The following DNAH14 variants were observed in gnomAD, a reference collection of about 807,000 sequenced individuals.
DNAH14 encodes axonemal beta dynein heavy chain 14.
A neutral mutation model predicts 520.9 loss-of-function variants in DNAH14; 478 were observed. The observed-to-expected ratio is 0.92, with a 90% CI of 0.85 to 0.99. The LOEUF (loss-of-function observed/expected upper bound fraction) is 0.99, where lower values mean the gene tolerates loss of function less well. Among genes scored for constraint, DNAH14 ranks in the 50% least tolerant of loss-of-function variants. The pLI, the probability that DNAH14 is intolerant of heterozygous loss-of-function variation, is 0.00. For missense variants in DNAH14, 4,831 were observed against 5,234.5 expected, an observed-to-expected ratio of 0.92 and a Z score of 2.38; for synonymous variants, 1,581 against 1,757.2, an observed-to-expected ratio of 0.90 and a Z score of 2.51.
intron 35 of DNAH14, among the ~76,000 whole-genome samples, chr1:225,167,625 A>G (rs1489190835): frequency 2.0e-5 from 3 of 152,194 alleles, no homozygotes; most frequent in Non-Finnish European, 4.4e-5. Flanking sequence ...GGATAATTAG[A>G]TGGTTATACA....
intron 23 of DNAH14, among the ~76,000 whole-genome samples, chr1:225,112,867 A>G (rs1436502479): frequency 2.0e-5 from 3 of 152,024 alleles, no homozygotes; most frequent in Non-Finnish European, 4.4e-5. Context: ...ATTTTTCTGA[A>G]AGGATTCTGA....
chr1:225,329,945 A>G (rs1239355980), intron 64 of DNAH14, among the ~76,000 whole-genome samples: 1 of 152,194 alleles, frequency 6.6e-6, no homozygotes, highest in Admixed American at 6.6e-5. Flanking sequence ...GAGCTCAAAC[A>G]TCTCTATAGA....
At chr1:225,264,163 A>G in intron 46 of DNAH14, 34 bp from the exon 47 acceptor site, 11 of 1,516,078 alleles carry the variant, frequency 7.3e-6, no homozygotes, top group Non-Finnish European at 9.8e-6. Flanking sequence ...TGGTAAACAA[A>G]CTAATTTTGA....
At chr1:225,052,142 T>A (rs527739340) in intron 17 of DNAH14, among the ~76,000 whole-genome samples, 1 of 152,336 alleles carries the variant, frequency 6.6e-6, no homozygotes, top group African/African-American at 2.4e-5. Context: ...TCCATTAGAA[T>A]GTAAGCTTCA....
chr1:225,267,897 G>A (rs2093177151), intron 49 of DNAH14, among the ~76,000 whole-genome samples: 1 of 151,762 alleles, frequency 6.6e-6, no homozygotes, highest in South Asian at 2.1e-4. Flanking sequence ...GGCCCACCAG[G>A]GATAATCCAG....
At chr1:225,171,689 G>A (rs960071100) in intron 36 of DNAH14, among the ~76,000 whole-genome samples, 34 of 152,252 alleles carry the variant, frequency 2.2e-4, no homozygotes, top group African/African-American at 3.6e-4. Flanking sequence ...TCTGTCAGAG[G>A]TACAAGGAGG....
At position 225,157,714 on chromosome 1, in the gene DNAH14, G is replaced by C. The variant is rs559333003; in HGVS notation, c.5274-1600G>C. 3.4e-3 allele frequency among the ~76,000 whole-genome samples: 523 copies of C among 152,016 alleles called. 2 individuals are homozygous for C. Among genetic ancestry groups the C allele is most frequent in the Non-Finnish European group, 6.3e-3 (427 of 67,980 alleles). ...TTGAAAAAAATATTAAAAGGCCATT[G>C]TCATTCCCTAGGACCCCAAAAATAA... is the stretch of plus-strand genomic sequence containing the variant. On this transcript the variant is annotated intron_variant, in intron 34 of 85. Coordinates refer to ENST00000682510, the MANE Select transcript of DNAH14 (RefSeq NM_001367479.1).
intron 23 of DNAH14, among the ~76,000 whole-genome samples, chr1:225,103,791 C>T (rs985195403): frequency 2.6e-5 from 4 of 152,206 alleles, no homozygotes; most frequent in Middle Eastern, 3.4e-3. Context: ...AGATTTTGGG[C>T]TGAGACGATG....
chr1:224,943,460 G>A (rs1020665427), intron 1 of DNAH14, among the ~76,000 whole-genome samples: 1 of 152,022 alleles, frequency 6.6e-6, no homozygotes, highest in East Asian at 1.9e-4. Flanking sequence ...TGGATTTATT[G>A]ATTTTTTGAA....
At chr1:225,295,516 C>T (rs192507328) in intron 55 of DNAH14, among the ~76,000 whole-genome samples, 2 of 152,172 alleles carry the variant, frequency 1.3e-5, no homozygotes, top group Non-Finnish European at 2.9e-5. Flanking sequence ...ATTTGTTGTT[C>T]AGGAGCATAC....
At chr1:225,345,836 C>T (rs570983114) in intron 69 of DNAH14, 126 bp from the exon 70 acceptor site, 14 of 682,870 alleles carry the variant, frequency 2.1e-5, no homozygotes, top group Admixed American at 1.0e-4. Context: ...TTTAAGAGCC[C>T]GTCTCTGACA....
At chr1:225,106,206 G>A (rs1201505454) in intron 23 of DNAH14, among the ~76,000 whole-genome samples, 2 of 151,250 alleles carry the variant, frequency 1.3e-5, no homozygotes, top group South Asian at 2.1e-4. Flanking sequence ...GTTGAATATT[G>A]GCCCCCACTC....
chr1:224,978,226 C>G (rs528872748), intron 8 of DNAH14, among the ~76,000 whole-genome samples: 1 of 152,278 alleles, frequency 6.6e-6, no homozygotes, highest in East Asian at 1.9e-4. Context: ...TTTACTGCAG[C>G]ACTGTTCACA....
At chr1:224,999,299 C>T (rs147482041) in intron 8 of DNAH14, among the ~76,000 whole-genome samples, 20 of 152,090 alleles carry the variant, frequency 1.3e-4, no homozygotes, top group South Asian at 4.2e-4. Context: ...TTCCGCCTCC[C>T]GGGTTCAAGC....
chr1:225,028,593 T>C (rs936219076), intron 11 of DNAH14, among the ~76,000 whole-genome samples: 1 of 152,054 alleles, frequency 6.6e-6, no homozygotes, highest in African/African-American at 2.4e-5. Flanking sequence ...TTATTGATTT[T>C]CTTGTCAATT....
chr1:225,241,886 A>G (rs1257423183), intron 43 of DNAH14, among the ~76,000 whole-genome samples: 1 of 152,196 alleles, frequency 6.6e-6, no homozygotes, highest in African/African-American at 2.4e-5. Flanking sequence ...TGTAGACTTT[A>G]TAAATACTGT....
chr1:225,267,132 C>T (rs1662088085), intron 49 of DNAH14, among the ~76,000 whole-genome samples: 1 of 151,974 alleles, frequency 6.6e-6, no homozygotes, highest in Non-Finnish European at 1.5e-5. Flanking sequence ...AAATATGGCC[C>T]ACCAGATGCA....
chr1:225,261,697 AG>A (rs2092941673), intron 46 of DNAH14, among the ~76,000 whole-genome samples: 1 of 152,076 alleles, frequency 6.6e-6, no homozygotes, highest in African/African-American at 2.4e-5. Flanking sequence ...ATGTTTTGGA[AG>A]AGTTGGAGAA....
intron 64 of DNAH14, among the ~76,000 whole-genome samples, chr1:225,326,952 A>G (rs2094684915): frequency 2.0e-5 from 3 of 152,248 alleles, no homozygotes; most frequent in Non-Finnish European, 2.9e-5. Flanking sequence ...AACCTGAACA[A>G]CTCAGTAAAC....
Sources: gnomAD v4.1 joint callset for allele counts (sites outside exome capture counted in the v4.1 genomes callset) on GRCh38, gnomAD v4.1.1 for gene constraint, MANE v1.5 for transcripts, NCBI Gene and HGNC (gene_info 2026-07-23, HGNC 2026-07-21) for gene names.